Variants in DNAH11 observed in about 807,000 individuals in gnomAD.
DNAH11 encodes dynein axonemal heavy chain 11, also known as axonemal beta dynein heavy chain 11.
A neutral mutation model predicts 526.0 loss-of-function variants in DNAH11; 442 were observed. The observed-to-expected ratio is 0.84, with a 90% CI of 0.78 to 0.91. The LOEUF (loss-of-function observed/expected upper bound fraction) is 0.91. Ranked by LOEUF, DNAH11 falls within the 40% of genes least tolerant of loss-of-function variation. The pLI is 0.00. For missense variants in DNAH11, 6,989 were observed against 5,448.7 expected, an observed-to-expected ratio of 1.28 and a Z score of -8.90; for synonymous variants, 2,461 against 1,935.9, an observed-to-expected ratio of 1.27 and a Z score of -7.12.
chr7:21,674,758 A>G (rs1367539286), intron 30 of DNAH11, among the ~76,000 whole-genome samples: 3 of 151,976 alleles, frequency 2.0e-5, no homozygotes, highest in Non-Finnish European at 4.4e-5. Flanking sequence ...CCAGAAGCAG[A>G]TAGGGAATTT....
chr7:21,637,988 A>G (rs1156787764), intron 27 of DNAH11, among the ~76,000 whole-genome samples: 1 of 151,588 alleles, frequency 6.6e-6, no homozygotes, highest in Non-Finnish European at 1.5e-5. Flanking sequence ...TTGATCAATT[A>G]TTTCCTCAGA....
At chr7:21,802,535 T>C (rs1016656779) in intron 62 of DNAH11, among the ~76,000 whole-genome samples, 2 of 152,220 alleles carry the variant, frequency 1.3e-5, no homozygotes, top group Non-Finnish European at 2.9e-5. Context: ...ATAGCAGCAT[T>C]ATTCATAATA....
intron 9 of DNAH11, among the ~76,000 whole-genome samples, chr7:21,585,016 T>C (rs1784437235): frequency 6.7e-6 from 1 of 149,388 alleles, no homozygotes; most frequent in East Asian, 1.9e-4. Flanking sequence ...TCTCTCTTTT[T>C]CACAACCATT....
chr7:21,687,281 A>G (rs745597491), intron 33 of DNAH11, 26 bp downstream of exon 33: 258 of 1,558,180 alleles, frequency 1.7e-4, no homozygotes, highest in Non-Finnish European at 2.2e-4. Context: ...AATAATGTGT[A>G]AAACTTTATT....
intron 18 of DNAH11, among the ~76,000 whole-genome samples, chr7:21,606,007 T>C (rs144686847): frequency 3.5e-4 from 54 of 152,304 alleles, no homozygotes; most frequent in African/African-American, 1.3e-3. Flanking sequence ...AATGAAGAGA[T>C]GTCATGGGTT....
intron 20 of DNAH11, among the ~76,000 whole-genome samples, chr7:21,614,208 TAATAC>T (rs1177865720): frequency 1.3e-5 from 2 of 152,192 alleles, no homozygotes; most frequent in Non-Finnish European, 2.9e-5. Context: ...GAAACTAAAG[TAATAC>T]AATTGTTGGA....
intron 14 of DNAH11, among the ~76,000 whole-genome samples, chr7:21,594,866 A>C (rs1339690756): frequency 6.6e-6 from 1 of 151,994 alleles, no homozygotes; most frequent in African/African-American, 2.4e-5. Context: ...GCTTTGGCTC[A>C]CTCTGAGGTA....
intron 25 of DNAH11, among the ~76,000 whole-genome samples, chr7:21,630,942 T>G (rs895494667): frequency 6.6e-6 from 1 of 152,320 alleles, no homozygotes; most frequent in East Asian, 1.9e-4. Context: ...TCTCTTAAAT[T>G]TGTTAAGACT....
rs369667253 is a variant in DNAH11 at position 21,813,269 on chromosome 7, C to T, written c.10333-3198C>T. Among the ~76,000 whole-genome samples, 6 of 152,104 alleles carry T rather than the reference C, an allele frequency of 3.9e-5. No individual in the cohort carries two copies. The East Asian group carries it at 7.7e-4, about 20-fold the overall frequency. ...TTGCACTCCACTCATTGCTTTGACC[C>T]AGCAGTTTATAGACAGAGCAAATAC... On this transcript the variant is annotated intron_variant, in intron 63 of 81. Coordinates refer to ENST00000409508, the MANE Select transcript of DNAH11 (RefSeq NM_001277115.2).
rs558046454 is a variant in DNAH11, at chr7:21,571,613, G to A, written c.1426-193G>A. Among the ~76,000 whole-genome samples, 201 of 152,220 alleles carry A rather than the reference G, an allele frequency of 1.3e-3. 1 individual carries two copies. The highest frequency in any genetic ancestry group is 4.6e-3 in the African/African-American group (190 of 41,542). On this transcript the variant is annotated intron_variant, in intron 7 of 81. Coordinates refer to ENST00000409508, the MANE Select transcript of DNAH11 (RefSeq NM_001277115.2). The stretch of plus-strand genomic sequence containing the variant: ...TAATTTTTAATAAACATGAAAATGG[G>A]AGAGTAATTTTAAAAATTAGCAATG...
At chr7:21,690,039 T>C (rs775813826) in intron 34 of DNAH11, among the ~76,000 whole-genome samples, 14 of 152,252 alleles carry the variant, frequency 9.2e-5, no homozygotes, top group Non-Finnish European at 1.3e-4. Flanking sequence ...GTGACAGTAA[T>C]AGCATTAGTC....
chr7:21,880,468 A>G (rs1429296358), intron 74 of DNAH11, among the ~76,000 whole-genome samples: 1 of 152,232 alleles, frequency 6.6e-6, no homozygotes, highest in Admixed American at 6.5e-5. Context: ...TAGTGAACTT[A>G]GAAGCATTCA....
At chr7:21,654,552 G>A (rs1053571050) in intron 28 of DNAH11, among the ~76,000 whole-genome samples, 126 of 152,276 alleles carry the variant, frequency 8.3e-4, no homozygotes, top group African/African-American at 3.0e-3. Flanking sequence ...GAACAGAGAT[G>A]TACAAATACC....
intron 65 of DNAH11, among the ~76,000 whole-genome samples, chr7:21,841,210 T>G (rs1248567049): frequency 6.6e-6 from 1 of 152,146 alleles, no homozygotes; most frequent in Non-Finnish European, 1.5e-5. Context: ...ATATATGTGT[T>G]TTTAATATTT....
chr7:21,683,866 T>C lies in DNAH11; in HGVS notation c.5543T>C (p.Ile1848Thr). Residue 1848 changes from isoleucine to threonine, a missense_variant, in exon 32 of 82, where the codon ATT (isoleucine) becomes ACT (threonine). By Grantham distance (89) the Ile-to-Thr change is moderately conservative. Transcript: ENST00000409508. The stretch of plus-strand genomic sequence containing the variant: ...ACCCAGAAACACTGCTTTGTTAATA[T>C]TTGTGATGCCCAGTTCCAGTACTTC... ...EDTQKHCFVN[I>T]CDAQFQYFYE... 6.2e-7 allele frequency: 1 copy of C among 1,613,738 alleles called. No homozygotes were observed. The highest frequency in any genetic ancestry group is 8.5e-7 in the Non-Finnish European group (1 of 1,179,710).
At chr7:21,569,708 C>T (rs979098630) in intron 6 of DNAH11, among the ~76,000 whole-genome samples, 3 of 152,172 alleles carry the variant, frequency 2.0e-5, no homozygotes, top group African/African-American at 7.2e-5. Context: ...TGATAGATTT[C>T]CTTGTCTGCC....
At chr7:21,759,604 C>G (rs1257206546) in intron 54 of DNAH11, among the ~76,000 whole-genome samples, 1 of 151,922 alleles carries the variant, frequency 6.6e-6, no homozygotes, top group Admixed American at 6.6e-5. Flanking sequence ...AGGATAAATG[C>G]AAATGTAAGT....
At position 21,707,848 on chromosome 7, in the gene DNAH11, C is replaced by T. The variant is rs17145077; in HGVS notation, c.6683+13C>T. The T allele has an allele frequency of 1.9e-6, 3 of 1,556,708 alleles. No homozygotes were observed. The highest frequency in any genetic ancestry group is 2.3e-5 in the East Asian group (1 of 44,140). On this transcript the variant is annotated intron_variant, in intron 40 of 81. Coordinates refer to ENST00000409508, the MANE Select transcript of DNAH11 (RefSeq NM_001277115.2). ...GGAAAGATGGCAAGTAGTATTTCCC[C>T]TTTAGAAGTGCTCAATTTTTTTTTT...
chr7:21,822,230 A>G (rs1053208482), intron 65 of DNAH11, among the ~76,000 whole-genome samples: 2 of 152,192 alleles, frequency 1.3e-5, no homozygotes, highest in African/African-American at 4.8e-5. Context: ...CAGTGCCAGC[A>G]TCTGCTTCTG....
Sources: gnomAD v4.1 joint callset for allele counts (sites outside exome capture counted in the v4.1 genomes callset) on GRCh38, gnomAD v4.1.1 for gene constraint, MANE v1.5 for transcripts, NCBI Gene and HGNC (gene_info 2026-07-23, HGNC 2026-07-21) for gene names.